Variants in BTBD9 observed in about 807,000 individuals in gnomAD.
The protein encoded by BTBD9 is BTB domain containing 9.
In BTBD9, 49 loss-of-function variants were observed where a neutral mutation model predicts 64.3. The ratio of observed to expected loss-of-function variants is 0.76; its 90% CI spans 0.61 to 0.97. The LOEUF (loss-of-function observed/expected upper bound fraction) is 0.97, where lower values mean the gene tolerates loss of function less well. BTBD9 is among the 50% of genes least tolerant of loss of function. BTBD9 has a pLI of 0.00. For missense variants in BTBD9, 598 were observed against 762.1 expected (o/e 0.78, Z 2.53); for synonymous variants, 260 against 274.7 (o/e 0.95, Z 0.53).
intron 7 of BTBD9, among the ~76,000 whole-genome samples, chr6:38,341,068 G>A (rs1177975327): frequency 6.6e-6 from 1 of 152,110 alleles, no homozygotes; most frequent in Non-Finnish European, 1.5e-5. Context: ...TAAATAATTA[G>A]AGAAAAACAG....
chr6:38,208,557 T>C lies in BTBD9; in HGVS notation c.1563-15960A>G, dbSNP rs370936747. On this transcript the variant is annotated intron_variant, in intron 9 of 10. Coordinates refer to ENST00000481247, the MANE Select transcript of BTBD9 (RefSeq NM_001099272.2). ...CCCAAAGGCAGAGCTAGAGAGGGTG[T>C]CCTATGTGGCAGAGACTCAAAATCA... Among the ~76,000 whole-genome samples the C allele has an allele frequency of 3.3e-5, 5 of 152,250 alleles. No individual in the cohort carries two copies. The South Asian group carries it at 1.0e-3, about 32-fold the overall frequency.
At chr6:38,597,352 T>TA (rs1777078272) in intron 2 of BTBD9, among the ~76,000 whole-genome samples, 1 of 150,590 alleles carries the variant, frequency 6.6e-6, no homozygotes. Flanking sequence ...ACTCAGTAAT[T>TA]AATTCAGTGA....
At chr6:38,472,812 T>G (rs2127369777) in intron 6 of BTBD9, among the ~76,000 whole-genome samples, 1 of 152,326 alleles carries the variant, frequency 6.6e-6, no homozygotes, top group African/African-American at 2.4e-5. Flanking sequence ...AGCCCACTCT[T>G]GCATTACTCA....
At chr6:38,636,375 G>A (rs1778527512) in intron 1 of BTBD9, among the ~76,000 whole-genome samples, 1 of 152,142 alleles carries the variant, frequency 6.6e-6, no homozygotes, top group Admixed American at 6.5e-5. Context: ...AGCATTTCCA[G>A]TTACTTAGTG....
chr6:38,570,168 T>G (rs1562354755), intron 6 of BTBD9, among the ~76,000 whole-genome samples: 1 of 152,152 alleles, frequency 6.6e-6, no homozygotes, highest in Non-Finnish European at 1.5e-5. Context: ...AATGTGTGTG[T>G]AGTCTGGGTG....
chr6:38,268,640 T>C (rs997085923), intron 8 of BTBD9, among the ~76,000 whole-genome samples: 1 of 152,248 alleles, frequency 6.6e-6, no homozygotes, highest in Non-Finnish European at 1.5e-5. Flanking sequence ...CCTCTTTCTC[T>C]TTCTTCTCAG....
chr6:38,228,561 C>G lies in BTBD9; in HGVS notation c.1562+27848G>C, dbSNP rs542246933. On this transcript the variant is annotated intron_variant, in intron 9 of 10. Coordinates refer to ENST00000481247, the MANE Select transcript of BTBD9 (RefSeq NM_001099272.2). Reference sequence around the variant, plus strand: ...CCTTCCTCCCAACTTTTCTGTGAACCTAAAACGGCTCTTAAAAAAAAAACA... The same window carrying G: ...CCTTCCTCCCAACTTTTCTGTGAACGTAAAACGGCTCTTAAAAAAAAAACA... 3.8e-4 allele frequency among the ~76,000 whole-genome samples: 57 copies of G among 150,712 alleles called. 1 individual carries two copies. Among genetic ancestry groups the G allele is most frequent in the Middle Eastern group, 3.4e-3 (1 of 292 alleles).
At chr6:38,359,099 A>G (rs1416358174) in intron 6 of BTBD9, among the ~76,000 whole-genome samples, 1 of 152,218 alleles carries the variant, frequency 6.6e-6, no homozygotes, top group African/African-American at 2.4e-5. Flanking sequence ...TAAGCTAAGG[A>G]AAGTTAAGTT....
chr6:38,223,098 G>T (rs1763272154), intron 9 of BTBD9, among the ~76,000 whole-genome samples: 1 of 152,018 alleles, frequency 6.6e-6, no homozygotes, highest in Admixed American at 6.6e-5. Context: ...GTAGAGACAA[G>T]GTTTCACCAT....
intron 6 of BTBD9, among the ~76,000 whole-genome samples, chr6:38,425,805 T>C (rs549557331): frequency 6.6e-6 from 1 of 150,728 alleles, no homozygotes; most frequent in African/African-American, 2.5e-5. Flanking sequence ...TAGTCTCAGC[T>C]ACTCAGGAGG....
chr6:38,602,584 GTGCA>G (rs1237478511), intron 1 of BTBD9, among the ~76,000 whole-genome samples: 6 of 151,930 alleles, frequency 3.9e-5, no homozygotes, highest in African/African-American at 1.5e-4. Flanking sequence ...ATTTTACATA[GTGCA>G]CTACATACTT....
chr6:38,293,632 T>C (rs1762046145), intron 7 of BTBD9, among the ~76,000 whole-genome samples: 1 of 152,186 alleles, frequency 6.6e-6, no homozygotes, highest in Non-Finnish European at 1.5e-5. Flanking sequence ...AAACTGAAAC[T>C]GAACCCCTTC....
intron 8 of BTBD9, among the ~76,000 whole-genome samples, chr6:38,278,492 T>C (rs1473514760): frequency 6.6e-6 from 1 of 152,234 alleles, no homozygotes; most frequent in African/African-American, 2.4e-5. Context: ...TAAGATGTGA[T>C]GGCTCCTTTC....
At chr6:38,457,215 T>C (rs762390343) in intron 6 of BTBD9, among the ~76,000 whole-genome samples, 8 of 152,232 alleles carry the variant, frequency 5.3e-5, no homozygotes, top group Non-Finnish European at 1.2e-4. Flanking sequence ...TTGGAGGGAT[T>C]TGGAGGTGAG....
intron 7 of BTBD9, among the ~76,000 whole-genome samples, chr6:38,293,751 T>C (rs1373920419): frequency 2.0e-5 from 3 of 152,160 alleles, no homozygotes; most frequent in Admixed American, 6.5e-5. Context: ...ATTCAGGACA[T>C]AGGCATGGGC....
At position 38,614,556 on chromosome 6, in the gene BTBD9, A is replaced by G. The variant is rs1043620459; in HGVS notation, c.-27-16435T>C. 2.6e-5 allele frequency among the ~76,000 whole-genome samples: 4 copies of G among 152,140 alleles called. No individual in the cohort carries two copies. In the East Asian group the frequency reaches 5.8e-4, roughly 22 times the overall value. Reference sequence around the variant, plus strand: ...ACTTACTTTTCTCAAAGATACCTCAAAACTCAATTCACACTCTCTATGCCC... The same window carrying G: ...ACTTACTTTTCTCAAAGATACCTCAGAACTCAATTCACACTCTCTATGCCC... On this transcript the variant is annotated intron_variant, in intron 1 of 10. Coordinates refer to ENST00000481247, the MANE Select transcript of BTBD9 (RefSeq NM_001099272.2).
rs370583701 is a variant in BTBD9 at position 38,577,609 on chromosome 6, C to T, written c.1145G>A (p.Arg382His). The T allele has an allele frequency of 1.5e-5, 24 of 1,606,806 alleles. No homozygotes were observed. The highest frequency in any genetic ancestry group is 1.9e-5 in the Non-Finnish European group (22 of 1,179,086). The change falls in exon 6 of 11, where the codon CGT (arginine) becomes CAT (histidine). Residue 382 changes from arginine (R) to histidine (H), a missense_variant. By Grantham distance (29) the Arg-to-His change is conservative. Coordinates refer to ENST00000481247, the MANE Select transcript of BTBD9 (RefSeq NM_001099272.2). ...RSWQKLYFPA[R>H]VCRYIRIVGT... ...ACCACTGAAAACTAACCTGCAGACA[C>T]GGGCTGGAAAATATAATTTCTGCCA...
intron 6 of BTBD9, among the ~76,000 whole-genome samples, chr6:38,369,442 T>C (rs748145627): frequency 1.3e-5 from 2 of 152,186 alleles, no homozygotes; most frequent in Non-Finnish European, 2.9e-5. Flanking sequence ...TCCCCCTCCC[T>C]ACCTGATGCT....
chr6:38,475,445 T>C (rs1045056914), intron 6 of BTBD9, among the ~76,000 whole-genome samples: 4 of 152,208 alleles, frequency 2.6e-5, no homozygotes, highest in African/African-American at 7.2e-5. Flanking sequence ...AGCATATTCC[T>C]GCTCTGCAGC....
Sources: gnomAD v4.1 joint callset for allele counts (sites outside exome capture counted in the v4.1 genomes callset) on GRCh38, gnomAD v4.1.1 for gene constraint, MANE v1.5 for transcripts, NCBI Gene and HGNC (gene_info 2026-07-23, HGNC 2026-07-21) for gene names.